IFIT5: variants seen among roughly 807,000 people sequenced by gnomAD.
IFIT5 encodes interferon-induced protein with tetratricopeptide repeats 5.
A neutral mutation model predicts 5.0 loss-of-function variants in IFIT5; 2 were observed. That is an observed-to-expected ratio of 0.40 (90% CI 0.16 to 1.26). The LOEUF is 1.26. Among genes scored for constraint, IFIT5 ranks in the 50% most tolerant of loss-of-function variants. IFIT5 has a pLI of 0.33. For missense variants in IFIT5, 524 were observed against 563.2 expected (o/e 0.93, Z 0.70); for synonymous variants, 206 against 204.6 (o/e 1.01, Z -0.06).
chr10:89,416,303 C>CA (rs869064446), intron 1 of IFIT5, among the ~76,000 whole-genome samples: 1 of 141,214 alleles, frequency 7.1e-6, no homozygotes, highest in East Asian at 2.3e-4. Context: ...ACAACAACAA[C>CA]AAAAAACAGA....
In IFIT5 at chr10:89,420,142, A is replaced by T. The variant is rs1841584249; in HGVS notation, c.*1494A>T. The T allele has an allele frequency of 6.6e-6, 1 of 152,164 alleles. No individual in the cohort carries two copies. The highest frequency in any genetic ancestry group is 1.5e-5 in the Non-Finnish European group (1 of 68,030). The allele number at this position is 152,164 out of a possible 1,614,324, so 9.4% of individuals were successfully genotyped here. ...TATAATTTGATATGTAAACTTCCAG[A>T]TCTTTTTTCTATGCGTAATCAGACA... On this transcript the variant is annotated 3_prime_UTR_variant, in exon 2 of 2. Transcript: ENST00000371795.
At chr10:89,415,104 G>A (rs1841520990) in intron 1 of IFIT5, among the ~76,000 whole-genome samples, 1 of 152,214 alleles carries the variant, frequency 6.6e-6, no homozygotes, top group Admixed American at 6.5e-5. Flanking sequence ...CCGGGAGCCT[G>A]TCCCATCCCT....
At position 89,417,533 on chromosome 10, in the gene IFIT5, G is replaced by A; in HGVS notation, c.334G>A (p.Glu112Lys). 6.2e-7 allele frequency: 1 copy of A among 1,614,258 alleles called. No homozygotes were observed. Among genetic ancestry groups the A allele is most frequent in the Non-Finnish European group, 8.5e-7 (1 of 1,180,040 alleles). Residue 112 changes from glutamate (E) to lysine (K), a missense_variant, in exon 2 of 2, where the codon GAA (glutamate) becomes AAA (lysine). Transcript: ENST00000371795. ...GTATTATCACATGGACCAGCTTGAA[G>A]AAGCTCAGAAGTATACAGGTAAGAT... The part of the protein sequence containing the change: ...WVYYHMDQLE[E>K]AQKYTGKIGN...
rs1841570131 is a variant in IFIT5, at chr10:89,418,693, G to A, written c.*45G>A. On this transcript the variant is annotated 3_prime_UTR_variant, in exon 2 of 2. Coordinates refer to ENST00000371795, the MANE Select transcript of IFIT5 (RefSeq NM_012420.3). Reference sequence around the variant, plus strand: ...AGCTCTAAGTTTTTCCCTTCATTTTGGGTTCTCCTGTTTGTTTTTTTTTTA... The same window carrying A: ...AGCTCTAAGTTTTTCCCTTCATTTTAGGTTCTCCTGTTTGTTTTTTTTTTA... 2 of 1,527,298 alleles carry A rather than the reference G, an allele frequency of 1.3e-6. No homozygotes were observed. Among genetic ancestry groups the A allele is most frequent in the Admixed American group, 2.2e-5 (1 of 44,958 alleles). The allele number at this position is 1,527,298 out of a possible 1,614,324, so 94.6% of individuals were successfully genotyped here. A position where few individuals can be genotyped will look rare whatever the true frequency, so the allele number is the denominator to read the frequency against.
intron 1 of IFIT5, among the ~76,000 whole-genome samples, chr10:89,416,965 G>C (rs1244175214): frequency 1.3e-5 from 2 of 152,142 alleles, no homozygotes; most frequent in Non-Finnish European, 2.9e-5. Context: ...ATGTAATACA[G>C]AAAGCTCTGT....
Position 89,414,730 on chromosome 10 carries a change from TC to T in IFIT5, c.-65del. 3.2e-6 allele frequency: 5 copies of T among 1,558,648 alleles called. No individual in the cohort carries two copies. Among genetic ancestry groups the T allele is most frequent in the East Asian group, 2.5e-5 (1 of 40,450 alleles). ...ACGCCCACCGCGCGGCTTCCCGCGGTCCCCGGTGCTGAGGAGAGAGCGATCC... is the reference window on the plus strand; with the variant it reads ...ACGCCCACCGCGCGGCTTCCCGCGGTCCCGGTGCTGAGGAGAGAGCGATCC... On this transcript the variant is annotated 5_prime_UTR_variant, in exon 1 of 2. Transcript: ENST00000371795.
At position 89,417,678 on chromosome 10, in the gene IFIT5, A is replaced by C; in HGVS notation, c.479A>C (p.Lys160Thr). 6.2e-7 allele frequency: 1 copy of C among 1,614,212 alleles called. No homozygotes were observed. The highest frequency in any genetic ancestry group is 8.5e-7 in the Non-Finnish European group (1 of 1,180,038). ...KFGGKYYQKA[K>T]AAFEKALEVE... is the part of the protein sequence containing the mutation. ...GGAGGAAAGTATTATCAAAAGGCTA[A>C]AGCGGCTTTTGAGAAGGCTCTGGAA... The change falls in exon 2 of 2, where the codon AAA (lysine) becomes ACA (threonine). Residue 160 changes from lysine to threonine, a missense_variant. Lys to Thr is a moderately conservative substitution (Grantham distance 78, BLOSUM62 -1). Transcript: ENST00000371795.
chr10:89,417,908 T>C lies in IFIT5; in HGVS notation c.709T>C (p.Tyr237His), dbSNP rs757074614. The C allele has an allele frequency of 1.9e-6, 3 of 1,614,142 alleles. No homozygotes were observed. The highest frequency in any genetic ancestry group is 2.5e-6 in the Non-Finnish European group (3 of 1,180,014). The part of the protein sequence containing the change: ...DVHAEAEGEK[Y>H]IEEILDQISS... ...ACATGCAGAAGCTGAAGGGGAAAAG[T>C]ATATTGAAGAAATCCTGGACCAAAT... Residue 237 changes from tyrosine to histidine, a missense_variant, in exon 2 of 2, where the codon TAT becomes CAT. Physicochemically the swap from Tyr to His is moderately conservative, Grantham distance 83. Coordinates refer to ENST00000371795, the MANE Select transcript of IFIT5 (RefSeq NM_012420.3).
chr10:89,415,295 G>A (rs1167268589), intron 1 of IFIT5, among the ~76,000 whole-genome samples: 1 of 152,236 alleles, frequency 6.6e-6, no homozygotes, highest in Admixed American at 6.5e-5. Context: ...TGTTCCGGGG[G>A]CAGCTGCTAC....
Position 89,418,455 on chromosome 10 carries a change from C to T in IFIT5, c.1256C>T (p.Ala419Val). 1 of 1,614,174 alleles carries T rather than the reference C, an allele frequency of 6.2e-7. No homozygotes were observed. Among genetic ancestry groups the T allele is most frequent in the South Asian group, 1.1e-5 (1 of 91,088 alleles). Residue 419 changes from alanine to valine, a missense_variant, in exon 2 of 2, where the codon GCT (alanine) becomes GTT (valine). Ala to Val is a moderately conservative substitution (Grantham distance 64). Transcript: ENST00000371795. The part of the protein sequence containing the change: ...RSPLRTKLTS[A>V]LKKLSTKRLC... ...CCCCTTCGCACCAAACTGACAAGTG[C>T]TCTGAAGAAATTGTCTACCAAGAGA... is the stretch of plus-strand genomic sequence containing the variant.
Position 89,417,988 on chromosome 10 carries a change from T to A in IFIT5, c.789T>A (p.Asn263Lys). The change falls in exon 2 of 2, where the codon AAT (asparagine) becomes AAA (lysine). Residue 263 changes from asparagine (N) to lysine (K), a missense_variant. By Grantham distance (94) the Asn-to-Lys change is moderately conservative (BLOSUM62 0). Transcript: ENST00000371795. Reference sequence around the variant, plus strand: ...CAGCCAAGTTCTATAGGAGAAAAAATTCCTGGAACAAAGCTCTCGAACTTT... The same window carrying A: ...CAGCCAAGTTCTATAGGAGAAAAAAATCCTGGAACAAAGCTCTCGAACTTT... ...RYAAKFYRRK[N>K]SWNKALELLK... 1.2e-6 allele frequency: 2 copies of A among 1,614,108 alleles called. No individual in the cohort carries two copies. Among genetic ancestry groups the A allele is most frequent in the Non-Finnish European group, 1.7e-6 (2 of 1,180,014 alleles).
rs1841565285 is a variant in IFIT5 at position 89,418,401 on chromosome 10, T to C, written c.1202T>C (p.Leu401Ser). Residue 401 changes from leucine (L) to serine (S), a missense_variant, in exon 2 of 2, where the codon TTA (leucine) becomes TCA (serine). Transcript: ENST00000371795. ...GAAAATACTGCCATCCATCATTATT[T>C]AGAAGCCTTAAAGGTCAAAGACAGA... ...KSENTAIHHY[L>S]EALKVKDRSP... The C allele has an allele frequency of 1.2e-6, 2 of 1,614,224 alleles. No homozygotes were observed. Among genetic ancestry groups the C allele is most frequent in the Non-Finnish European group, 8.5e-7 (1 of 1,180,024 alleles).
In IFIT5 at chr10:89,417,528, T is replaced by C. The variant is rs772779621; in HGVS notation, c.329T>C (p.Leu110Pro). The change falls in exon 2 of 2, where the codon CTT becomes CCT. Residue 110 changes from leucine to proline, a missense_variant. Physicochemically the swap from Leu to Pro is moderately conservative, Grantham distance 98. Coordinates refer to ENST00000371795, the MANE Select transcript of IFIT5 (RefSeq NM_012420.3). ...TGGGTGTATTATCACATGGACCAGC[T>C]TGAAGAAGCTCAGAAGTATACAGGT... ...YAWVYYHMDQ[L>P]EEAQKYTGKI... 6.2e-7 allele frequency: 1 copy of C among 1,614,230 alleles called. No individual in the cohort carries two copies. Among genetic ancestry groups the C allele is most frequent in the Non-Finnish European group, 8.5e-7 (1 of 1,180,038 alleles).
At position 89,417,901 on chromosome 10, in the gene IFIT5, G is replaced by T; in HGVS notation, c.702G>T (p.Gly234=). 1 of 1,614,144 alleles carries T rather than the reference G, an allele frequency of 6.2e-7. No individual in the cohort carries two copies. Among genetic ancestry groups the T allele is most frequent in the Non-Finnish European group, 8.5e-7 (1 of 1,180,010 alleles). The change falls in exon 2 of 2, where the codon GGG becomes GGT. Residue 234 remains glycine, a synonymous_variant. Coordinates refer to ENST00000371795, the MANE Select transcript of IFIT5 (RefSeq NM_012420.3). ...AAGATGTACATGCAGAAGCTGAAGG[G>T]GAAAAGTATATTGAAGAAATCCTGG... ...KLQDVHAEAE[G]EKYIEEILDQ...
rs1444981216 is a variant in IFIT5 at position 89,414,726 on chromosome 10, G to C, written c.-73G>C. The C allele has an allele frequency of 6.4e-7, 1 of 1,553,702 alleles. No homozygotes were observed. Among genetic ancestry groups the C allele is most frequent in the Non-Finnish European group, 8.6e-7 (1 of 1,159,122 alleles). On this transcript the variant is annotated 5_prime_UTR_variant, in exon 1 of 2. Transcript: ENST00000371795. ...GCGCACGCCCACCGCGCGGCTTCCCGCGGTCCCCGGTGCTGAGGAGAGAGC... is the reference window on the plus strand; with the variant it reads ...GCGCACGCCCACCGCGCGGCTTCCCCCGGTCCCCGGTGCTGAGGAGAGAGC...
chr10:89,418,431 C>T lies in IFIT5; in HGVS notation c.1232C>T (p.Pro411Leu). 2 of 1,614,136 alleles carry T rather than the reference C, an allele frequency of 1.2e-6. No homozygotes were observed. The highest frequency in any genetic ancestry group is 1.7e-5 in the Admixed American group (1 of 60,026). The change falls in exon 2 of 2, where the codon CCC becomes CTC. Residue 411 changes from proline to leucine, a missense_variant. Physicochemically the swap from Pro to Leu is moderately conservative, Grantham distance 98 (BLOSUM62 -3). Transcript: ENST00000371795. ...LEALKVKDRS[P>L]LRTKLTSALK... ...GCCTTAAAGGTCAAAGACAGATCAC[C>T]CCTTCGCACCAAACTGACAAGTGCT...
At position 89,417,491 on chromosome 10, in the gene IFIT5, G is replaced by T. The variant is rs1411491948; in HGVS notation, c.292G>T (p.Gly98Ter). 8 of 1,614,164 alleles carry T rather than the reference G, an allele frequency of 5.0e-6. No individual in the cohort carries two copies. The highest frequency in any genetic ancestry group is 6.8e-6 in the Non-Finnish European group (8 of 1,180,042). Residue 98 changes from glycine to a stop codon, truncating the protein, a stop_gained, in exon 2 of 2, where the codon GGA becomes TGA. Coordinates refer to ENST00000371795, the MANE Select transcript of IFIT5 (RefSeq NM_012420.3). LOFTEE classifies it low-confidence loss of function (END_TRUNC). Reference sequence around the variant, plus strand: ...AGAAGTACGAAGCCTGGTCACTTGGGGAAACTATGCCTGGGTGTATTATCA... The same window carrying T: ...AGAAGTACGAAGCCTGGTCACTTGGTGAAACTATGCCTGGGTGTATTATCA... ...KEEVRSLVTWGNYAWVYYHMD... is the reference protein window; with the variant it reads ...KEEVRSLVTW
rs187607140 is a variant in IFIT5 at position 89,414,727 on chromosome 10, C to G, written c.-72C>G. The G allele has an allele frequency of 8.0e-4, 1,246 of 1,553,356 alleles. 1 individual carries two copies. Among genetic ancestry groups the G allele is most frequent in the Non-Finnish European group, 9.9e-4 (1,146 of 1,158,522 alleles). On this transcript the variant is annotated 5_prime_UTR_variant, in exon 1 of 2. Transcript: ENST00000371795. ...CGCACGCCCACCGCGCGGCTTCCCG[C>G]GGTCCCCGGTGCTGAGGAGAGAGCG...
Position 89,418,241 on chromosome 10 carries a change from T to C in IFIT5, c.1042T>C (p.Tyr348His). 6.2e-7 allele frequency: 1 copy of C among 1,614,212 alleles called. No individual in the cohort carries two copies. Residue 348 changes from tyrosine to histidine, a missense_variant, in exon 2 of 2, where the codon TAC becomes CAC. By Grantham distance (83) the Tyr-to-His change is moderately conservative. Transcript: ENST00000371795. ...TGCCTACACAGACCTGGCCAACATGTACGCTGAAGGAGGCCAGTATAGCAA... is the reference window on the plus strand; with the variant it reads ...TGCCTACACAGACCTGGCCAACATGCACGCTGAAGGAGGCCAGTATAGCAA... The part of the protein sequence containing the change: ...AFAYTDLANM[Y>H]AEGGQYSNAE...
Sources: allele counts gnomAD v4.1 joint callset (sites outside exome capture counted in the v4.1 genomes callset), GRCh38; gene constraint gnomAD v4.1.1; transcripts MANE v1.5; gene names NCBI Gene and HGNC (gene_info 2026-07-23, HGNC 2026-07-21).